ZGPAT: variants seen among roughly 807,000 people sequenced by gnomAD.
ZGPAT encodes zinc finger CCCH-type and G-patch domain containing.
Under a neutral mutation model 47.9 loss-of-function variants are expected in ZGPAT, and 39 were observed. That is an observed-to-expected ratio of 0.81 (90% CI 0.63 to 1.06). The LOEUF (loss-of-function observed/expected upper bound fraction) is 1.06. Among genes scored for constraint, ZGPAT ranks in the 50% least tolerant of loss-of-function variants. ZGPAT has a pLI of 0.00. For missense variants in ZGPAT, 717 were observed against 681.4 expected, an observed-to-expected ratio of 1.05 and a Z score of -0.58; for synonymous variants, 348 against 292.9, an observed-to-expected ratio of 1.19 and a Z score of -1.92.
chr20:63,719,850 C>T (rs2091769335), intron 2 of ZGPAT, among the ~76,000 whole-genome samples: 1 of 151,748 alleles, frequency 6.6e-6, no homozygotes, highest in African/African-American at 2.4e-5. Context: ...AAGTGATTCT[C>T]CTGCCTCAGC....
intron 2 of ZGPAT, among the ~76,000 whole-genome samples, chr20:63,732,243 G>A (rs987770734): frequency 3.3e-4 from 50 of 151,256 alleles, no homozygotes; most frequent in Admixed American, 6.6e-4. Flanking sequence ...GCATGTGTGC[G>A]TGCACGTGTG....
chr20:63,727,196 A>T (rs796855443), intron 2 of ZGPAT, among the ~76,000 whole-genome samples: 5 of 149,212 alleles, frequency 3.4e-5, no homozygotes, highest in Admixed American at 6.7e-5. Context: ...CCTTTCAGTG[A>T]TTGTCCTTTT....
intron 2 of ZGPAT, among the ~76,000 whole-genome samples, chr20:63,726,119 G>A (rs34251386): frequency 0.2 from 29,740 of 151,528 alleles, 3,787 homozygotes; most frequent in East Asian, 0.62. Flanking sequence ...GATTACAGTC[G>A]TGAGCCACTG....
At chr20:63,716,637 A>C (rs1042015020) in intron 2 of ZGPAT, among the ~76,000 whole-genome samples, 3 of 150,864 alleles carry the variant, frequency 2.0e-5, no homozygotes, top group Admixed American at 6.6e-5. Context: ...TAGCCTCCTG[A>C]GTAGCTGGGA....
chr20:63,725,005 A>G (rs181705348), intron 2 of ZGPAT, among the ~76,000 whole-genome samples: 118 of 129,346 alleles, frequency 9.1e-4, no homozygotes, highest in African/African-American at 3.3e-3. Flanking sequence ...TTTTTTTGAG[A>G]TGGGGTCTCG....
chr20:63,733,088 G>A (rs1601348415), intron 2 of ZGPAT, 131 bp from the exon 3 acceptor site: 2 of 1,176,010 alleles, frequency 1.7e-6, no homozygotes, highest in East Asian at 2.5e-5. Context: ...GTGTGAGAGT[G>A]TGTATGTATA....
At chr20:63,709,440 C>T (rs760491809) in intron 2 of ZGPAT, among the ~76,000 whole-genome samples, 61 of 152,138 alleles carry the variant, frequency 4.0e-4, no homozygotes, top group Non-Finnish European at 7.1e-4. Flanking sequence ...GAGTTCAAGA[C>T]CACGCTGGTC....
At position 63,734,213 on chromosome 20, in the gene ZGPAT, C is replaced by T. The variant is rs73920995; in HGVS notation, c.871+474C>T. 9.8e-3 allele frequency: 2,463 copies of T among 250,324 alleles called. 57 individuals are homozygous for T. The highest frequency in any genetic ancestry group is 0.05 in the African/African-American group (2,210 of 44,264). 15.5% of individuals were successfully genotyped at this position (250,324 alleles called of 1,614,324 possible). ...CCAGAGGGGTGTGTGTATGCGTGTG[C>T]GTGTGTGTGTATATATGTGGGAGGT... On this transcript the variant is annotated intron_variant, in intron 4 of 6. Transcript: ENST00000355969.
intron 2 of ZGPAT, among the ~76,000 whole-genome samples, chr20:63,731,037 C>T (rs1437225737): frequency 3.3e-5 from 5 of 150,024 alleles, no homozygotes; most frequent in African/African-American, 1.2e-4. Context: ...GCCTAAAAGT[C>T]AAGGCATCAC....
At position 63,733,790 on chromosome 20, in the gene ZGPAT, A is replaced by G. The variant is rs543872009; in HGVS notation, c.871+51A>G. On this transcript the variant is annotated intron_variant, in intron 4 of 6. Coordinates refer to ENST00000355969, the MANE Select transcript of ZGPAT (RefSeq NM_181485.3). The stretch of plus-strand genomic sequence containing the variant: ...GAGCCAGGAAGGTGGGGTCACCCTG[A>G]GAGGCTCCTGGCCGGTGAGGGCACC... 8.3e-6 allele frequency: 13 copies of G among 1,566,876 alleles called. No individual in the cohort carries two copies. The East Asian group carries it at 2.0e-4, about 24-fold the overall frequency.
At chr20:63,711,530 C>A (rs2091667769) in intron 2 of ZGPAT, among the ~76,000 whole-genome samples, 1 of 152,152 alleles carries the variant, frequency 6.6e-6, no homozygotes. Context: ...CTGAAAGCTT[C>A]CGGAGCATCT....
intron 2 of ZGPAT, among the ~76,000 whole-genome samples, chr20:63,731,222 C>T (rs181485655): frequency 3.3e-5 from 5 of 152,244 alleles, no homozygotes; most frequent in East Asian, 3.9e-4. Flanking sequence ...ATGGGACACA[C>T]GGGGCATATT....
At chr20:63,718,871 C>T (rs888380482) in intron 2 of ZGPAT, among the ~76,000 whole-genome samples, 2 of 151,900 alleles carry the variant, frequency 1.3e-5, no homozygotes, top group Non-Finnish European at 2.9e-5. Flanking sequence ...TCAAGACCAC[C>T]CTGGCTAACA....
intron 2 of ZGPAT, among the ~76,000 whole-genome samples, chr20:63,726,237 C>T (rs55761864): frequency 0.016 from 2,229 of 139,962 alleles, 52 homozygotes; most frequent in African/African-American, 0.055. Flanking sequence ...CTCACTGTGT[C>T]GCCCAGGCTG....
At chr20:63,734,860 G>T (rs569996530) in intron 5 of ZGPAT, 36 bp downstream of exon 5, 4 of 1,542,140 alleles carry the variant, frequency 2.6e-6, no homozygotes, top group Admixed American at 3.9e-5. Context: ...TGGGCAGGCT[G>T]CTGCAGCATA....
chr20:63,732,661 CAT>C (rs1198545582), intron 2 of ZGPAT, among the ~76,000 whole-genome samples: 4 of 130,686 alleles, frequency 3.1e-5, no homozygotes, highest in Non-Finnish European at 4.8e-5. Context: ...TGTGTGTGTA[CAT>C]GTGTATATGC....
intron 2 of ZGPAT, among the ~76,000 whole-genome samples, chr20:63,721,691 C>A (rs138689420): frequency 6.6e-6 from 1 of 152,102 alleles, no homozygotes; most frequent in Non-Finnish European, 1.5e-5. Flanking sequence ...GTTGTTGTCC[C>A]TCCCCCACAA....
At chr20:63,732,951 TGTGTATGTGTGA>T (rs1354279260) in intron 2 of ZGPAT, among the ~76,000 whole-genome samples, 3 of 151,790 alleles carry the variant, frequency 2.0e-5, no homozygotes, top group African/African-American at 7.3e-5. Context: ...TGTGTATATA[TGTGTATGTGTGA>T]GTGTATGTGT....
chr20:63,720,336 C>T (rs1362348536), intron 2 of ZGPAT, among the ~76,000 whole-genome samples: 2 of 151,780 alleles, frequency 1.3e-5, no homozygotes, highest in Non-Finnish European at 2.9e-5. Context: ...TTTGTATTTT[C>T]AGTAGAGACA....
Sources: gnomAD v4.1 joint callset for allele counts (sites outside exome capture counted in the v4.1 genomes callset) on GRCh38, gnomAD v4.1.1 for gene constraint, MANE v1.5 for transcripts, NCBI Gene and HGNC (gene_info 2026-07-23, HGNC 2026-07-21) for gene names.